Variants in SGCD observed in about 807,000 individuals in gnomAD.
SGCD encodes the protein delta-sarcoglycan.
Under a neutral mutation model 36.6 loss-of-function variants are expected in SGCD, and 18 were observed. The observed-to-expected ratio is 0.49, with a 90% CI of 0.34 to 0.73. The LOEUF (loss-of-function observed/expected upper bound fraction) is 0.73. Among genes scored for constraint, SGCD ranks in the 30% least tolerant of loss-of-function variants. The pLI is 0.01. For missense variants in SGCD, 387 were observed against 346.7 expected (o/e 1.12, Z -0.92); for synonymous variants, 133 against 130.6 (o/e 1.02, Z -0.12).
At chr5:156,444,106 CTCTCTCTCTCCCCTT>C (rs1753641291) in intron 3 of SGCD, among the ~76,000 whole-genome samples, 2 of 107,116 alleles carry the variant, frequency 1.9e-5, no homozygotes, top group African/African-American at 5.1e-5. Context: ...CTCTCTCTCT[CTCTCTCTCTCCCCTT>C]CCCTCTCTCT....
chr5:155,848,267 T>G, the SGCD span, among the ~76,000 whole-genome samples: 1 of 152,088 alleles, frequency 6.6e-6, no homozygotes, highest in Non-Finnish European at 1.5e-5. Context: ...GAGTGAGCCT[T>G]TTAGTACCTA....
chr5:156,239,593 A>G (rs902205812), intron 3 of SGCD, among the ~76,000 whole-genome samples: 1 of 152,138 alleles, frequency 6.6e-6, no homozygotes, highest in Non-Finnish European at 1.5e-5. Flanking sequence ...AGAAAAAAAT[A>G]TTGTTTTCTA....
chr5:156,059,233 G>A (rs1286331707), intron 1 of SGCD, among the ~76,000 whole-genome samples: 3 of 145,768 alleles, frequency 2.1e-5, no homozygotes, highest in African/African-American at 7.4e-5. Flanking sequence ...CTAGAGGAAA[G>A]CAAGTTAATT....
rs1402919724 is a variant in SGCD, at chr5:156,620,656, C to T, written c.502+25605C>T. ...GTGCAAGGGAATGAGAAGCAGCTTC[C>T]TATGCAGCAGCAAGAACAGGGACTA... is the stretch of plus-strand genomic sequence containing the variant. On this transcript the variant is annotated intron_variant, in intron 6 of 8. Transcript: ENST00000337851. 2.6e-5 allele frequency among the ~76,000 whole-genome samples: 4 copies of T among 152,106 alleles called. 1 individual carries two copies.
At chr5:156,570,410 A>G (rs1759672133) in intron 4 of SGCD, among the ~76,000 whole-genome samples, 1 of 152,184 alleles carries the variant, frequency 6.6e-6, no homozygotes, top group Admixed American at 6.5e-5. Flanking sequence ...ATCATTTTCT[A>G]ATAGATTTTT....
intron 4 of SGCD, among the ~76,000 whole-genome samples, chr5:156,523,973 T>C (rs1261194276): frequency 1.3e-5 from 2 of 150,210 alleles, no homozygotes; most frequent in African/African-American, 4.9e-5. Flanking sequence ...TTGAGAAACA[T>C]TGTTTTGTCC....
chr5:156,670,460 T>G (rs1267913363), intron 7 of SGCD, among the ~76,000 whole-genome samples: 2 of 152,328 alleles, frequency 1.3e-5, no homozygotes, highest in Middle Eastern at 3.4e-3. Context: ...GACTCTTCCT[T>G]TTTTTCCCCT....
intron 3 of SGCD, among the ~76,000 whole-genome samples, chr5:156,143,581 C>T (rs1213825865): frequency 1.3e-5 from 2 of 152,184 alleles, no homozygotes; most frequent in African/African-American, 2.4e-5. Context: ...GCAGGGCTGA[C>T]CAAGGCTTTG....
the SGCD span, among the ~76,000 whole-genome samples, chr5:155,803,433 A>G: frequency 6.6e-6 from 1 of 152,284 alleles, no homozygotes; most frequent in African/African-American, 2.4e-5. Context: ...TGCCTTTGCC[A>G]GAGAAGAGAC....
the SGCD span, among the ~76,000 whole-genome samples, chr5:155,850,250 A>C: frequency 6.6e-6 from 1 of 152,144 alleles, no homozygotes; most frequent in Admixed American, 6.6e-5. Context: ...TAAATTGAGG[A>C]GCTTAGGCAG....
At chr5:155,906,323 C>A (rs1002976436) in intron 1 of SGCD, among the ~76,000 whole-genome samples, 4 of 152,172 alleles carry the variant, frequency 2.6e-5, no homozygotes, top group East Asian at 1.9e-4. Context: ...CAATTAATAA[C>A]CCTACAGTGT....
At chr5:156,573,772 T>C (rs1045504786) in intron 4 of SGCD, among the ~76,000 whole-genome samples, 15 of 152,170 alleles carry the variant, frequency 9.9e-5, no homozygotes, top group African/African-American at 3.6e-4. Context: ...TAGCTCACTG[T>C]AACCTCAAAC....
intron 1 of SGCD, among the ~76,000 whole-genome samples, chr5:155,874,418 A>G (rs940145228): frequency 3.3e-5 from 5 of 152,178 alleles, no homozygotes; most frequent in African/African-American, 9.6e-5. Flanking sequence ...ACACAAAAGT[A>G]TAAAGGAAGA....
chr5:156,285,862 G>T (rs1170709931), intron 3 of SGCD, among the ~76,000 whole-genome samples: 1 of 152,068 alleles, frequency 6.6e-6, no homozygotes, highest in African/African-American at 2.4e-5. Flanking sequence ...CACAGCAAAA[G>T]AAACTACCAT....
At chr5:156,179,122 T>A (rs1420422692) in intron 3 of SGCD, among the ~76,000 whole-genome samples, 1 of 152,220 alleles carries the variant, frequency 6.6e-6, no homozygotes, top group Non-Finnish European at 1.5e-5. Context: ...ATTTTTAACA[T>A]ACACATCTAA....
intron 3 of SGCD, among the ~76,000 whole-genome samples, chr5:156,362,060 G>A (rs1260774845): frequency 1.3e-5 from 2 of 152,204 alleles, no homozygotes; most frequent in Non-Finnish European, 2.9e-5. Context: ...AAAGGACTTA[G>A]AGTAGGCTGT....
chr5:155,763,086 T>A, the SGCD span, among the ~76,000 whole-genome samples: 1 of 152,230 alleles, frequency 6.6e-6, no homozygotes, highest in Non-Finnish European at 1.5e-5. Flanking sequence ...CAGTTGTTTC[T>A]TTTGTTTTAA....
intron 1 of SGCD, among the ~76,000 whole-genome samples, chr5:156,029,168 G>A (rs1339894123): frequency 6.6e-6 from 1 of 152,084 alleles, no homozygotes; most frequent in Non-Finnish European, 1.5e-5. Context: ...AAAATGCTGT[G>A]TTTAACTGAA....
At chr5:156,429,265 CTTTTTT>C (rs3074973) in intron 3 of SGCD, among the ~76,000 whole-genome samples, 1 of 123,798 alleles carries the variant, frequency 8.1e-6, no homozygotes, top group African/African-American at 2.9e-5. Flanking sequence ...CCCTCATTGT[CTTTTTT>C]TTTTTTTTTT....
Sources: allele counts gnomAD v4.1 joint callset (sites outside exome capture counted in the v4.1 genomes callset), GRCh38; gene constraint gnomAD v4.1.1; transcripts MANE v1.5; gene names NCBI Gene and HGNC (gene_info 2026-07-23, HGNC 2026-07-21).